The following TTN variants were observed in gnomAD, a reference collection of about 807,000 sequenced individuals.
TTN encodes the protein titin, also known as connectin.
In TTN, 1,525 loss-of-function variants were observed where a neutral mutation model predicts 3,223.0. The observed-to-expected ratio is 0.47, with a 90% CI of 0.45 to 0.49. The LOEUF (loss-of-function observed/expected upper bound fraction) is 0.49. Among genes scored for constraint, TTN ranks in the 20% least tolerant of loss-of-function variants. The pLI, the probability that TTN is intolerant of heterozygous loss-of-function variation, is 0.00. For missense variants in TTN, 40,786 were observed against 43,424.0 expected (o/e 0.94, Z 5.40); for synonymous variants, 14,094 against 15,161.0 (o/e 0.93, Z 5.17).
At chr2:178,746,259 G>C (rs772676281) in intron 47 of TTN, 1 of 1,612,304 alleles carries the variant, frequency 6.2e-7, no homozygotes. Flanking sequence ...ATTATAAAGC[G>C]AGGAGGCATT....
Position 178,535,180 on chromosome 2 carries a change from G to C in TTN, c.101435C>G (p.Thr33812Ser). ...CATATATTTCTCATAGAGTTCCTTG[G>C]TTGAAGAGTGAGATGCTTTAGTCAT... ...VSMTKASHSS[T>S]KELYEKYMIA... The change falls in exon 358 of 363, where the codon ACC (threonine) becomes AGC (serine). Residue 33812 changes from threonine to serine, a missense_variant. By Grantham distance (58) the Thr-to-Ser change is moderately conservative. Coordinates refer to ENST00000589042, the MANE Select transcript of TTN (RefSeq NM_001267550.2). 6.2e-7 allele frequency: 1 copy of C among 1,613,848 alleles called. No homozygotes were observed.
chr2:178,622,129 A>G, intron 243 of TTN, 121 bp from the exon 244 acceptor site: 1 of 926,278 alleles, frequency 1.1e-6, no homozygotes. Flanking sequence ...AGTGTGAAGA[A>G]GAACCAAGGT....
chr2:178,552,710 C>G lies in TTN; in HGVS notation c.90190G>C (p.Glu30064Gln), dbSNP rs866186866. 1 of 1,613,940 alleles carries G rather than the reference C, an allele frequency of 6.2e-7. No individual in the cohort carries two copies. ...PDFDGGSVIT[E>Q]YVVERKGKGE... Reference sequence around the variant, plus strand: ...TTACCTTTCCTTTCTACAACATATTCTGTGATGACGCTACCACCATCAAAG... The same window carrying G: ...TTACCTTTCCTTTCTACAACATATTGTGTGATGACGCTACCACCATCAAAG... Residue 30064 changes from glutamate to glutamine, a missense_variant, in exon 335 of 363, where the codon GAA becomes CAA. Physicochemically the swap from Glu to Gln is conservative, Grantham distance 29 (BLOSUM62 2). Transcript: ENST00000589042.
At chr2:178,778,326 G>A in intron 24 of TTN, 1 of 294,794 alleles carries the variant, frequency 3.4e-6, no homozygotes, top group Non-Finnish European at 6.4e-6. Context: ...ATGTTGGTTG[G>A]ATAAGTAAAC....
At position 178,564,219 on chromosome 2, in the gene TTN, G is replaced by A. The variant is rs1704786507; in HGVS notation, c.81913C>T (p.Pro27305Ser). The change falls in exon 326 of 363, where the codon CCT (proline) becomes TCT (serine). Residue 27305 changes from proline (P) to serine (S), a missense_variant. Pro to Ser is a moderately conservative substitution (Grantham distance 74, BLOSUM62 -1). Coordinates refer to ENST00000589042, the MANE Select transcript of TTN (RefSeq NM_001267550.2). ...LEADIRGKPI[P>S]DVVWSKDGKE... Reference sequence around the variant, plus strand: ...CCATCTTTTGACCAAACAACATCAGGTATAGGTTTGCCACGGATGTCGGCT... The same window carrying A: ...CCATCTTTTGACCAAACAACATCAGATATAGGTTTGCCACGGATGTCGGCT... 1.2e-6 allele frequency: 2 copies of A among 1,613,324 alleles called. No individual in the cohort carries two copies. Among genetic ancestry groups the A allele is most frequent in the Non-Finnish European group, 1.7e-6 (2 of 1,179,794 alleles).
rs370686112 is a variant in TTN, at chr2:178,593,687, G to T, written c.58613C>A (p.Thr19538Lys). Reference sequence around the variant, plus strand: ...TTCAAGTAGTTTAGAAACTTTGCATGTTGTTTTAGCACTTGCAGATGTCAC... The same window carrying T: ...TTCAAGTAGTTTAGAAACTTTGCATTTTGTTTTAGCACTTGCAGATGTCAC... ...MPVTSASAKT[T>K]CKVSKLLEGK... Residue 19538 changes from threonine (T) to lysine (K), a missense_variant, in exon 298 of 363, where the codon ACA (threonine) becomes AAA (lysine). Transcript: ENST00000589042. The T allele has an allele frequency of 2.5e-5, 41 of 1,613,174 alleles. No homozygotes were observed. The African/African-American group carries it at 5.5e-4, about 22-fold the overall frequency.
rs1029227575 is a variant in TTN at position 178,694,680 on chromosome 2, T to A, written c.31349-4A>T. ...ATCTTCTTTGAAACTTCAGGTACTT[T>A]AAAAATATGTACAAATATATTTGTA... On this transcript the variant is annotated splice_region_variant and splice_polypyrimidine_tract_variant and intron_variant, in intron 116 of 362. Coordinates refer to ENST00000589042, the MANE Select transcript of TTN (RefSeq NM_001267550.2). 37 of 1,543,684 alleles carry A rather than the reference T, an allele frequency of 2.4e-5. No individual in the cohort carries two copies. Among genetic ancestry groups the A allele is most frequent in the Non-Finnish European group, 3.0e-5 (34 of 1,143,408 alleles).
At position 178,573,443 on chromosome 2, in the gene TTN, T is replaced by G. The variant is rs771181715; in HGVS notation, c.72689A>C (p.Glu24230Ala). 6.6e-7 allele frequency: 1 copy of G among 1,517,704 alleles called. No individual in the cohort carries two copies. The highest frequency in any genetic ancestry group is 8.8e-7 in the Non-Finnish European group (1 of 1,136,018). 94.0% of individuals were successfully genotyped at this position (1,517,704 alleles called of 1,614,324 possible). Residue 24230 changes from glutamate (E) to alanine (A), a missense_variant, in exon 326 of 363, where the codon GAA becomes GCA. Physicochemically the swap from Glu to Ala is moderately radical, Grantham distance 107 (BLOSUM62 -1). Coordinates refer to ENST00000589042, the MANE Select transcript of TTN (RefSeq NM_001267550.2). ...YGPPDPPKNP[E>A]VTTITKDSMV... ...CGAATCTTTAGTAATAGTTGTCACT[T>G]CAGGGTTTTTGGGCGGATCAGGGGG...
At position 178,621,198 on chromosome 2, in the gene TTN, T is replaced by C. The variant is rs1237099029; in HGVS notation, c.45520A>G (p.Arg15174Gly). The change falls in exon 246 of 363, where the codon AGG (arginine) becomes GGG (glycine). Residue 15174 changes from arginine to glycine, a missense_variant. Arg to Gly is a moderately radical substitution (Grantham distance 125). Coordinates refer to ENST00000589042, the MANE Select transcript of TTN (RefSeq NM_001267550.2). ...GTGGCATCTTTCACAACTAGGACCC[T>C]CTTTTTACCATCAGCAATAACGTCA... The part of the protein sequence containing the change: ...KYDVIADGKK[R>G]VLVVKDATLQ... 5.0e-6 allele frequency: 8 copies of C among 1,612,528 alleles called. No individual in the cohort carries two copies. The highest frequency in any genetic ancestry group is 1.7e-4 in the Middle Eastern group (1 of 6,048).
At chr2:178,762,580 A>G (rs1574459980) in intron 43 of TTN, among the ~76,000 whole-genome samples, 1 of 152,356 alleles carries the variant, frequency 6.6e-6, no homozygotes, top group Non-Finnish European at 1.5e-5. Flanking sequence ...ATATATGTTT[A>G]TATTAAAAAA....
rs878885513 is a variant in TTN, at chr2:178,756,730, T to G, written c.10746A>C (p.Ala3582=). Residue 3582 remains alanine (A), a synonymous_variant, in exon 46 of 363, where the codon GCA becomes GCC. Coordinates refer to ENST00000589042, the MANE Select transcript of TTN (RefSeq NM_001267550.2). The part of the protein sequence containing the change: ...VRESTKSQAV[A]DSSFTKEESK... ...TCTCCTCCTTTGTGAAAGAGGAATC[T>G]GCCACTGCCTGGGACTTGGTGGACT... The G allele has an allele frequency of 1.2e-6, 2 of 1,613,878 alleles. No individual in the cohort carries two copies. Among genetic ancestry groups the G allele is most frequent in the African/African-American group, 2.7e-5 (2 of 75,056 alleles).
intron 336 of TTN, 38 bp downstream of exon 336, chr2:178,550,929 G>A: frequency 6.3e-7 from 1 of 1,580,206 alleles, no homozygotes; most frequent in East Asian, 2.3e-5. Flanking sequence ...AAATGTGAAT[G>A]CTCTTAGTCT....
rs1399714010 is a variant in TTN, at chr2:178,727,650, T to C, written c.19928A>G (p.Gln6643Arg). The change falls in exon 68 of 363, where the codon CAG (glutamine) becomes CGG (arginine). Residue 6643 changes from glutamine (Q) to arginine (R), a missense_variant. By Grantham distance (43) the Gln-to-Arg change is conservative. Coordinates refer to ENST00000589042, the MANE Select transcript of TTN (RefSeq NM_001267550.2). ...ATCATTGGTAACATGGCAAGTATAC[T>C]GTCCAGTCTTAGAAGCATCCACTGA... Reference protein sequence around the residue: ...LYSVDASKTGQYTCHVTNDVG... With the variant: ...LYSVDASKTGRYTCHVTNDVG... The C allele has an allele frequency of 3.7e-6, 6 of 1,610,776 alleles. No individual in the cohort carries two copies. Among genetic ancestry groups the C allele is most frequent in the Non-Finnish European group, 5.1e-6 (6 of 1,178,552 alleles).
At chr2:178,647,032 A>T in intron 215 of TTN, 32 bp downstream of exon 215, 1 of 838,134 alleles carries the variant, frequency 1.2e-6, no homozygotes, top group Non-Finnish European at 1.6e-6. Flanking sequence ...TCAGGAGATT[A>T]AAAAAATGTA....
rs374697274 is a variant in TTN, at chr2:178,620,541, C to T, written c.45980G>A (p.Arg15327His). The part of the protein sequence containing the change: ...KSVTFWCKVN[R>H]LNVTLKWTKN... ...GGTCCACTTCAGTGTTACATTGAGA[C>T]GATTCACCTTGCACCAGAATGTGAC... The change falls in exon 248 of 363, where the codon CGT becomes CAT. Residue 15327 changes from arginine (R) to histidine (H), a missense_variant. By Grantham distance (29) the Arg-to-His change is conservative. Transcript: ENST00000589042. 169 of 1,611,994 alleles carry T rather than the reference C, an allele frequency of 1.0e-4. 1 individual carries two copies. The highest frequency in any genetic ancestry group is 8.2e-4 in the Middle Eastern group (5 of 6,066).
intron 135 of TTN, 118 bp from the exon 136 acceptor site, chr2:178,681,856 T>C (rs2069490078): frequency 3.7e-6 from 3 of 806,542 alleles, no homozygotes; most frequent in East Asian, 3.2e-5. Flanking sequence ...CCATAGCCTA[T>C]TGAAGTAGGC....
Position 178,707,768 on chromosome 2 carries a change from G to A in TTN, c.28799C>T (p.Thr9600Ile). The change falls in exon 100 of 363, where the codon ACA becomes ATA. Residue 9600 changes from threonine (T) to isoleucine (I), a missense_variant. Thr to Ile is a moderately conservative substitution (Grantham distance 89). Transcript: ENST00000589042. ...CTGCACGTATTCTCCTTCACTCACT[G>A]TTACTGGAGTAAGGTGCTGATCAAA... ...PVFDQHLTPV[T>I]VSEGEYVQLS... 1 of 1,613,528 alleles carries A rather than the reference G, an allele frequency of 6.2e-7. No individual in the cohort carries two copies. Among genetic ancestry groups the A allele is most frequent in the Non-Finnish European group, 8.5e-7 (1 of 1,179,534 alleles).
intron 20 of TTN, among the ~76,000 whole-genome samples, chr2:178,781,742 C>T (rs1278423835): frequency 2.0e-5 from 3 of 152,086 alleles, no homozygotes; most frequent in African/African-American, 7.2e-5. Context: ...TCTTAAATTG[C>T]AAAATATTCA....
At chr2:178,650,924 C>G (rs1370675768) in intron 208 of TTN, 90 bp from the exon 209 acceptor site, 3 of 1,341,132 alleles carry the variant, frequency 2.2e-6, no homozygotes, top group African/African-American at 1.5e-5. Context: ...CTCAAATAAC[C>G]CAGGGACAGA....
Sources: gnomAD v4.1 joint callset for allele counts (sites outside exome capture counted in the v4.1 genomes callset) on GRCh38, gnomAD v4.1.1 for gene constraint, MANE v1.5 for transcripts, NCBI Gene and HGNC (gene_info 2026-07-23, HGNC 2026-07-21) for gene names.